The following AGGF1 variants were observed in gnomAD, a reference collection of about 807,000 sequenced individuals.
AGGF1 encodes angiogenic factor with G patch and FHA domains 1.
Under a neutral mutation model 86.5 loss-of-function variants are expected in AGGF1, and 56 were observed. The ratio of observed to expected loss-of-function variants is 0.65; its 90% CI spans 0.52 to 0.81. AGGF1 has a LOEUF of 0.81. Among genes scored for constraint, AGGF1 ranks in the 30% least tolerant of loss-of-function variants. The pLI is 0.00. For synonymous variants in AGGF1, 313 were observed against 297.1 expected (o/e 1.05, Z -0.55); for missense variants, 816 against 850.9 (o/e 0.96, Z 0.51).
Position 77,046,682 on chromosome 5 carries a change from G to C in AGGF1, c.1201+5G>C, listed in dbSNP as rs892907815. The C allele has an allele frequency of 3.1e-6, 5 of 1,612,704 alleles. No homozygotes were observed. The highest frequency in any genetic ancestry group is 4.2e-6 in the Non-Finnish European group (5 of 1,178,948). On this transcript the variant is annotated splice_donor_5th_base_variant and intron_variant, in intron 6 of 13. Transcript: ENST00000312916. ...CAGAAGATAGTGAGGATGAAGGTGA[G>C]TAAATAATCATTATTTAAGTAAATA...
At chr5:77,049,453 T>C (rs1057317612) in intron 8 of AGGF1, among the ~76,000 whole-genome samples, 1 of 152,082 alleles carries the variant, frequency 6.6e-6, no homozygotes, top group Non-Finnish European at 1.5e-5. Flanking sequence ...AAAAGAACAA[T>C]TGAGTTTTCA....
At chr5:77,035,886 T>A (rs1354741009) in intron 3 of AGGF1, 143 bp downstream of exon 3, 3 of 775,898 alleles carry the variant, frequency 3.9e-6, no homozygotes, top group Admixed American at 5.2e-5. Flanking sequence ...ATGCAAAGAA[T>A]GTTGTAGTTT....
intron 8 of AGGF1, among the ~76,000 whole-genome samples, chr5:77,050,645 C>T (rs953914650): frequency 3.9e-5 from 6 of 151,958 alleles, no homozygotes; most frequent in African/African-American, 1.2e-4. Flanking sequence ...AGTATTTGAC[C>T]ACTAGATAGA....
chr5:77,057,887 C>G (rs1197046254), intron 11 of AGGF1, among the ~76,000 whole-genome samples: 1 of 152,212 alleles, frequency 6.6e-6, no homozygotes, highest in African/African-American at 2.4e-5. Context: ...CAGGATGTTG[C>G]ATTCCCAGCA....
intron 5 of AGGF1, among the ~76,000 whole-genome samples, chr5:77,041,698 G>C (rs997944139): frequency 9.9e-5 from 15 of 151,006 alleles, no homozygotes; most frequent in African/African-American, 3.6e-4. Context: ...AAAGCATTCT[G>C]TGATATTTTG....
At chr5:77,033,392 T>C (rs1031196966) in intron 1 of AGGF1, among the ~76,000 whole-genome samples, 3 of 152,192 alleles carry the variant, frequency 2.0e-5, no homozygotes, top group Non-Finnish European at 2.9e-5. Flanking sequence ...TGAGATGTTA[T>C]CTAAAGCATC....
Position 77,046,419 on chromosome 5 carries a change from A to T in AGGF1, c.943A>T (p.Asn315Tyr). The T allele has an allele frequency of 6.2e-7, 1 of 1,614,046 alleles. No individual in the cohort carries two copies. The highest frequency in any genetic ancestry group is 8.5e-7 in the Non-Finnish European group (1 of 1,179,984). Residue 315 changes from asparagine (N) to tyrosine (Y), a missense_variant, in exon 6 of 14, where the codon AAT (asparagine) becomes TAT (tyrosine). Coordinates refer to ENST00000312916, the MANE Select transcript of AGGF1 (RefSeq NM_018046.5). ...CTGCAATGAGGAAGAAAATTTCGCA[A>T]ATATGAAAAAGAAGGCCAAAATAGG... ...TSCNEEENFA[N>Y]MKKKAKIGIH...
chr5:77,048,345 G>T (rs1031902945), intron 7 of AGGF1, 73 bp downstream of exon 7: 1 of 1,237,122 alleles, frequency 8.1e-7, no homozygotes, highest in Non-Finnish European at 1.2e-6. Context: ...ATGTATTTTT[G>T]TTTGTTTGTT....
chr5:77,049,080 A>T (rs1195503707), intron 8 of AGGF1, 93 bp downstream of exon 8: 1 of 1,260,802 alleles, frequency 7.9e-7, no homozygotes, highest in Non-Finnish European at 1.1e-6. Flanking sequence ...CTCATTTAAT[A>T]GGAAGGTTAA....
intron 12 of AGGF1, 107 bp from the exon 13 acceptor site, chr5:77,061,596 C>A: frequency 6.5e-6 from 7 of 1,070,834 alleles, no homozygotes; most frequent in Non-Finnish European, 7.0e-6. Flanking sequence ...TAATGCCAAG[C>A]GGTTTTCTAA....
intron 10 of AGGF1, among the ~76,000 whole-genome samples, chr5:77,054,745 G>A (rs1206161321): frequency 6.6e-6 from 1 of 152,074 alleles, no homozygotes; most frequent in Non-Finnish European, 1.5e-5. Context: ...TATGACTTAA[G>A]TAATAATTTA....
chr5:77,047,817 C>CT (rs771004923), intron 6 of AGGF1, among the ~76,000 whole-genome samples: 14,945 of 123,562 alleles, frequency 0.12, 1,068 homozygotes, highest in Middle Eastern at 0.18. Context: ...TGTGCCTGGC[C>CT]TTTTTTTTTT....
intron 4 of AGGF1, among the ~76,000 whole-genome samples, chr5:77,037,144 TTA>T (rs1365405425): frequency 6.6e-6 from 1 of 152,184 alleles, no homozygotes; most frequent in Non-Finnish European, 1.5e-5. Flanking sequence ...TAAAATAAGG[TTA>T]AGGTTAAAAT....
intron 8 of AGGF1, among the ~76,000 whole-genome samples, chr5:77,051,886 C>T (rs1747378161): frequency 6.6e-6 from 1 of 152,168 alleles, no homozygotes; most frequent in African/African-American, 2.4e-5. Flanking sequence ...AACGACAACT[C>T]TATAACTGTG....
chr5:77,061,620 A>G (rs1580138188), intron 12 of AGGF1, 83 bp from the exon 13 acceptor site: 2 of 1,387,250 alleles, frequency 1.4e-6, no homozygotes, highest in East Asian at 4.7e-5. Context: ...AGTTGTACCA[A>G]TTACTTTTAA....
At position 77,048,956 on chromosome 5, in the gene AGGF1, C is replaced by T. The variant is rs1382700666; in HGVS notation, c.1334C>T (p.Thr445Ile). ...TIGREKDMEH[T>I]LRIPEVGVSK... ...TGCAGAGAAAAGGATATGGAACATA[C>T]TCTCCGAATCCCTGAAGTTGGTGTC... The change falls in exon 8 of 14, where the codon ACT (threonine) becomes ATT (isoleucine). Residue 445 changes from threonine to isoleucine, a missense_variant. By Grantham distance (89) the Thr-to-Ile change is moderately conservative. Around this residue, in one of 3 missense-constraint regions of AGGF1, gnomAD observed 565 missense variants for 585.8 expected, o/e 0.96. Transcript: ENST00000312916. 1.2e-6 allele frequency: 2 copies of T among 1,613,628 alleles called. No individual in the cohort carries two copies. Among genetic ancestry groups the T allele is most frequent in the African/African-American group, 2.7e-5 (2 of 74,904 alleles).
intron 1 of AGGF1, among the ~76,000 whole-genome samples, chr5:77,031,915 C>T (rs908435164): frequency 6.6e-6 from 1 of 151,844 alleles, no homozygotes; most frequent in Non-Finnish European, 1.5e-5. Context: ...AAATAAAAAC[C>T]AAAAAACCAA....
At chr5:77,055,649 T>TA in intron 11 of AGGF1, 53 bp downstream of exon 11, 2 of 1,276,806 alleles carry the variant, frequency 1.6e-6, no homozygotes, top group East Asian at 4.7e-5. Context: ...TGGTTTTGAG[T>TA]AAAAATGTCT....
chr5:77,041,876 G>A (rs942110443), intron 5 of AGGF1, among the ~76,000 whole-genome samples: 1 of 147,904 alleles, frequency 6.8e-6, no homozygotes, highest in African/African-American at 2.5e-5. Flanking sequence ...ATTTGGCAGG[G>A]TCATGGGACA....
Sources: allele counts gnomAD v4.1 joint callset (sites outside exome capture counted in the v4.1 genomes callset), GRCh38; gene constraint gnomAD v4.1.1; regional missense constraint gnomAD v4.1.1; transcripts MANE v1.5; gene names NCBI Gene and HGNC (gene_info 2026-07-23, HGNC 2026-07-21).